The following NUB1 variants were observed in gnomAD, a reference collection of about 807,000 sequenced individuals.
The protein encoded by NUB1 is NEDD8 ultimate buster 1.
A neutral mutation model predicts 77.1 loss-of-function variants in NUB1; 41 were observed. The observed-to-expected ratio is 0.53, with a 90% CI of 0.41 to 0.69. The LOEUF is 0.69. Among genes scored for constraint, NUB1 ranks in the 30% least tolerant of loss-of-function variants. NUB1 has a pLI of 0.00. For synonymous variants in NUB1, 257 were observed against 281.0 expected, an observed-to-expected ratio of 0.91 and a Z score of 0.85; for missense variants, 643 against 743.8, an observed-to-expected ratio of 0.86 and a Z score of 1.58.
At chr7:151,358,966 G>C (rs1327984786) in intron 7 of NUB1, among the ~76,000 whole-genome samples, 7 of 151,942 alleles carry the variant, frequency 4.6e-5, no homozygotes. Flanking sequence ...TCGGGAGGCT[G>C]AGGTGGAAGA....
At chr7:151,359,021 C>T (rs537904893) in intron 7 of NUB1, among the ~76,000 whole-genome samples, 3 of 151,372 alleles carry the variant, frequency 2.0e-5, no homozygotes, top group Admixed American at 6.6e-5. Context: ...GCCGAGATCG[C>T]GCCACTGCAC....
At position 151,376,459 on chromosome 7, in the gene NUB1, C is replaced by T. The variant is rs1798257097; in HGVS notation, c.1492-175C>T. On this transcript the variant is annotated intron_variant, in intron 13 of 14. Coordinates refer to ENST00000568733, the MANE Select transcript of NUB1 (RefSeq NM_001243351.2). ...CACCCGACTTGAGTCTTCCAAGCCC[C>T]CTTCCAGGTTGCTCTACGCTCACAT... 6.4e-6 allele frequency: 4 copies of T among 624,226 alleles called. No individual in the cohort carries two copies. The South Asian group carries it at 7.3e-5, about 11-fold the overall frequency. 38.7% of individuals were successfully genotyped at this position (624,226 alleles called of 1,614,324 possible). A position where few individuals can be genotyped will look rare whatever the true frequency, so the allele number is the denominator to read the frequency against.
rs1327089543 is a variant in NUB1 at position 151,362,240 on chromosome 7, G to T, written c.800+1993G>T. ...AACAATGTCTTTCTAAGTAGAGAAA[G>T]TTTTTTTTTTCCTGGGCATCTATTT... On this transcript the variant is annotated intron_variant, in intron 8 of 14. Transcript: ENST00000568733. 2.7e-5 allele frequency among the ~76,000 whole-genome samples: 4 copies of T among 149,896 alleles called. No individual in the cohort carries two copies. The South Asian group carries it at 8.4e-4, about 32-fold the overall frequency.
At chr7:151,348,969 C>T (rs2150666756) in intron 2 of NUB1, 104 bp from the exon 3 acceptor site, 2 of 1,000,098 alleles carry the variant, frequency 2.0e-6, no homozygotes, top group Non-Finnish European at 3.0e-6. Flanking sequence ...ACGGGGCGAC[C>T]TCCACTCATC....
At chr7:151,355,717 CT>C in intron 5 of NUB1, 50 bp from the exon 6 acceptor site, 1 of 1,469,690 alleles carries the variant, frequency 6.8e-7, no homozygotes, top group South Asian at 1.3e-5. Context: ...GGACTGTTAC[CT>C]GGTAAGCTTA....
chr7:151,374,490 T>C, intron 12 of NUB1: 1 of 589,532 alleles, frequency 1.7e-6, no homozygotes, highest in Non-Finnish European at 3.0e-6. Context: ...ACCAGCACAG[T>C]CCACAGGCCA....
rs1563020336 is a variant in NUB1 at position 151,360,362 on chromosome 7, T to G, written c.800+115T>G. On this transcript the variant is annotated intron_variant, in intron 8 of 14. Coordinates refer to ENST00000568733, the MANE Select transcript of NUB1 (RefSeq NM_001243351.2). ...CTTTCATCTACAACAGTGGTTAATG[T>G]AAAAGAGTAGTTATGGTGTAAACTG... The G allele has an allele frequency of 5.3e-6, 3 of 568,374 alleles. No individual in the cohort carries two copies. The Admixed American group carries it at 9.0e-5, about 17-fold the overall frequency. The allele number at this position is 568,374 out of a possible 1,614,324, so 35.2% of individuals were successfully genotyped here. A position where few individuals can be genotyped will look rare whatever the true frequency, so the allele number is the denominator to read the frequency against.
intron 7 of NUB1, among the ~76,000 whole-genome samples, chr7:151,357,806 C>T (rs1400054118): frequency 2.6e-5 from 4 of 150,954 alleles, no homozygotes; most frequent in Non-Finnish European, 5.9e-5. Context: ...GACGGGGTTT[C>T]GCCATGTTGG....
intron 8 of NUB1, among the ~76,000 whole-genome samples, chr7:151,366,708 C>A (rs139429566): frequency 0.013 from 1,942 of 152,252 alleles, 13 homozygotes; most frequent in Middle Eastern, 0.031. Context: ...TGGTGGTAAG[C>A]TTTGATTCCT....
At chr7:151,372,728 G>A (rs1436045273) in intron 11 of NUB1, among the ~76,000 whole-genome samples, 2 of 152,146 alleles carry the variant, frequency 1.3e-5, no homozygotes, top group Non-Finnish European at 2.9e-5. Flanking sequence ...AGGTGGTCAG[G>A]AGCTGCTGCG....
chr7:151,345,608 G>T, intron 2 of NUB1, 142 bp downstream of exon 2: 1 of 504,694 alleles, frequency 2.0e-6, no homozygotes, highest in Non-Finnish European at 3.6e-6. Flanking sequence ...CTTTTTACTA[G>T]GAACTGACAA....
rs769395832 is a variant in NUB1 at position 151,377,241 on chromosome 7, A to AG, written c.*17dup. 1 of 1,487,242 alleles carries AG rather than the reference A, an allele frequency of 6.7e-7. No individual in the cohort carries two copies. Among genetic ancestry groups the AG allele is most frequent in the East Asian group, 2.4e-5 (1 of 41,896 alleles). 92.1% of individuals were successfully genotyped at this position (1,487,242 alleles called of 1,614,324 possible). A position where few individuals can be genotyped will look rare whatever the true frequency, so the allele number is the denominator to read the frequency against. On this transcript the variant is annotated 3_prime_UTR_variant, in exon 15 of 15. Transcript: ENST00000568733. ...GAAAAACTAAATAATGAACAGAAATAGCGCTAATTTTCTGCTTATAAATGC... is the reference window on the plus strand; with the variant it reads ...GAAAAACTAAATAATGAACAGAAATAGGCGCTAATTTTCTGCTTATAAATGC...
intron 7 of NUB1, among the ~76,000 whole-genome samples, chr7:151,356,723 T>G (rs1797082744): frequency 6.4e-5 from 1 of 15,628 alleles, no homozygotes; most frequent in Admixed American, 1.2e-3. Context: ...TTTTGTTTGT[T>G]TTTTTGTTTT....
At chr7:151,350,712 A>T (rs1405419930) in intron 3 of NUB1, among the ~76,000 whole-genome samples, 1 of 152,190 alleles carries the variant, frequency 6.6e-6, no homozygotes, top group Non-Finnish European at 1.5e-5. Flanking sequence ...TCTTTATTAT[A>T]CTGGAACAAT....
chr7:151,372,225 A>G (rs1797992249), intron 11 of NUB1, among the ~76,000 whole-genome samples: 1 of 152,246 alleles, frequency 6.6e-6, no homozygotes, highest in Non-Finnish European at 1.5e-5. Flanking sequence ...ACTTAACTGT[A>G]GCCACTTCAG....
chr7:151,344,033 C>T (rs888347166), intron 1 of NUB1, among the ~76,000 whole-genome samples: 64 of 150,730 alleles, frequency 4.2e-4, no homozygotes, highest in Admixed American at 1.4e-3. Flanking sequence ...TACAAAAAAT[C>T]AGCCGGGCGT....
At chr7:151,365,890 C>CT (rs11414801) in intron 8 of NUB1, among the ~76,000 whole-genome samples, 93,978 of 149,812 alleles carry the variant, frequency 0.63, 31,349 homozygotes, top group East Asian at 0.9. Context: ...AATTAAAGTC[C>CT]TTTTTTTTTT....
Position 151,356,150 on chromosome 7 carries a change from A to C in NUB1, c.621A>C (p.Pro207=). 6.2e-7 allele frequency: 1 copy of C among 1,613,938 alleles called. No individual in the cohort carries two copies. Among genetic ancestry groups the C allele is most frequent in the Non-Finnish European group, 8.5e-7 (1 of 1,179,796 alleles). Residue 207 remains proline (P), a synonymous_variant, in exon 7 of 15, where the codon CCA becomes CCC. Coordinates refer to ENST00000568733, the MANE Select transcript of NUB1 (RefSeq NM_001243351.2). ...AKRAAETVVD[P]EMTPYLDIAN... ...CAGCAGCAGAGACAGTGGTGGATCC[A>C]GAAATGACACCGTACTTAGACATAG...
intron 12 of NUB1, chr7:151,374,465 G>A (rs1018339823): frequency 5.3e-5 from 33 of 624,036 alleles, no homozygotes; most frequent in Non-Finnish European, 7.9e-5. Context: ...GCTCCAAAAC[G>A]TGGTGCCTGT....
Sources: gnomAD v4.1 joint callset for allele counts (sites outside exome capture counted in the v4.1 genomes callset) on GRCh38, gnomAD v4.1.1 for gene constraint, MANE v1.5 for transcripts, NCBI Gene and HGNC (gene_info 2026-07-23, HGNC 2026-07-21) for gene names.